Variants in CENPP observed in about 807,000 individuals in gnomAD.
CENPP encodes centromere protein P.
A neutral mutation model predicts 35.6 loss-of-function variants in CENPP; 24 were observed. The observed-to-expected ratio is 0.67, with a 90% CI of 0.49 to 0.95. The LOEUF is 0.95. Among genes scored for constraint, CENPP ranks in the 40% least tolerant of loss-of-function variants. The probability of loss-of-function intolerance (pLI) is 0.00; values close to 1 mark genes in which losing one functional copy is unlikely to be tolerated. For synonymous variants in CENPP, 120 were observed against 125.5 expected, an observed-to-expected ratio of 0.96 and a Z score of 0.29; for missense variants, 332 against 345.3, an observed-to-expected ratio of 0.96 and a Z score of 0.31.
intron 5 of CENPP, among the ~76,000 whole-genome samples, chr9:92,554,070 A>C (rs1024886415): frequency 2.6e-5 from 4 of 152,150 alleles, no homozygotes; most frequent in African/African-American, 9.7e-5. Flanking sequence ...TTATTACATT[A>C]AGGTATTTCC....
At chr9:92,527,180 T>A (rs1848466750) in intron 5 of CENPP, among the ~76,000 whole-genome samples, 1 of 152,122 alleles carries the variant, frequency 6.6e-6, no homozygotes, top group South Asian at 2.1e-4. Flanking sequence ...AGCTGATTTT[T>A]ATATTTTTTT....
chr9:92,396,222 A>C (rs1471401838), intron 5 of CENPP, among the ~76,000 whole-genome samples: 5 of 152,200 alleles, frequency 3.3e-5, no homozygotes, highest in Non-Finnish European at 7.4e-5. Flanking sequence ...GACCCACTTT[A>C]ACATTTTTAT....
chr9:92,615,919 T>C lies in CENPP; in HGVS notation c.*2770T>C. 1 of 1,614,198 alleles carries C rather than the reference T, an allele frequency of 6.2e-7. No homozygotes were observed. The highest frequency in any genetic ancestry group is 8.5e-7 in the Non-Finnish European group (1 of 1,180,044). On this transcript the variant is annotated 3_prime_UTR_variant, in exon 8 of 8. Coordinates refer to ENST00000375587, the MANE Select transcript of CENPP (RefSeq NM_001012267.3). ...CGTTGTCTTTGGCACGTACAGTCTT[T>C]GAATAATAGTTGACGATCTTGCCGT...
rs571254871 is a variant in CENPP, at chr9:92,599,707, G to A, written c.565-11607G>A. Among the ~76,000 whole-genome samples the A allele has an allele frequency of 4.7e-4, 71 of 152,288 alleles. 1 individual carries two copies. The highest frequency in any genetic ancestry group is 1.6e-3 in the African/African-American group (67 of 41,556). ...GCTGGGATTACAGGCGTGAGCCACT[G>A]CGCCTGGCCCAGTGGTTGTTTTTTT... On this transcript the variant is annotated intron_variant, in intron 5 of 7. Coordinates refer to ENST00000375587, the MANE Select transcript of CENPP (RefSeq NM_001012267.3).
chr9:92,611,866 G>A (rs571744221), intron 6 of CENPP, among the ~76,000 whole-genome samples: 1 of 152,352 alleles, frequency 6.6e-6, no homozygotes, highest in African/African-American at 2.4e-5. Flanking sequence ...GTGTGGACAT[G>A]TATCCATCTG....
chr9:92,366,671 C>T (rs1841896143), intron 4 of CENPP, among the ~76,000 whole-genome samples: 1 of 152,026 alleles, frequency 6.6e-6, no homozygotes, highest in African/African-American at 2.4e-5. Flanking sequence ...AAAGTTATAC[C>T]TGGAAGGGAT....
At chr9:92,392,872 G>A (rs1842744054) in intron 5 of CENPP, among the ~76,000 whole-genome samples, 1 of 152,188 alleles carries the variant, frequency 6.6e-6, no homozygotes, top group Non-Finnish European at 1.5e-5. Context: ...ATCATAGACA[G>A]TGAAGTCACC....
intron 5 of CENPP, among the ~76,000 whole-genome samples, chr9:92,551,944 T>TG (rs1331619003): frequency 1.5e-5 from 2 of 130,000 alleles, no homozygotes; most frequent in Non-Finnish European, 3.2e-5. Flanking sequence ...TATATATATA[T>TG]ATATATATGA....
rs183831153 is a variant in CENPP, at chr9:92,366,106, G to T, written c.468-13657G>T. On this transcript the variant is annotated intron_variant, in intron 4 of 7. Transcript: ENST00000375587. The stretch of plus-strand genomic sequence containing the variant: ...GAGGCAGGAGAATGGTGTGAACCTG[G>T]GAGGCGGAGCTGGCAGTGAGCCAAG... Among the ~76,000 whole-genome samples the T allele has an allele frequency of 2.1e-3, 317 of 151,412 alleles. 1 individual carries two copies. The highest frequency in any genetic ancestry group is 7.1e-3 in the African/African-American group (294 of 41,232).
chr9:92,457,689 G>A (rs1434034557), intron 5 of CENPP, among the ~76,000 whole-genome samples: 1 of 152,166 alleles, frequency 6.6e-6, no homozygotes, highest in Non-Finnish European at 1.5e-5. Flanking sequence ...GTACACAAAA[G>A]TGTTGGGGAA....
intron 5 of CENPP, among the ~76,000 whole-genome samples, chr9:92,530,908 A>G (rs1848710437): frequency 6.6e-6 from 1 of 152,092 alleles, no homozygotes; most frequent in South Asian, 2.1e-4. Flanking sequence ...CCCAATGTTT[A>G]GCTCTTACTT....
chr9:92,341,126 T>G (rs1841103862), intron 3 of CENPP, among the ~76,000 whole-genome samples: 1 of 152,134 alleles, frequency 6.6e-6, no homozygotes, highest in African/African-American at 2.4e-5. Flanking sequence ...CAGTCTCCCA[T>G]AGCGCTCCCA....
intron 5 of CENPP, among the ~76,000 whole-genome samples, chr9:92,533,328 A>AAAAAAAATATATATATAT (rs1554683138): frequency 1.8e-4 from 7 of 38,322 alleles, no homozygotes; most frequent in Non-Finnish European, 2.6e-4. Flanking sequence ...AAAAAAAAAA[A>AAAAAAAATATATATATAT]ATATATATAT....
At chr9:92,463,878 C>T (rs897547426) in intron 5 of CENPP, among the ~76,000 whole-genome samples, 3 of 152,134 alleles carry the variant, frequency 2.0e-5, no homozygotes, top group East Asian at 1.9e-4. Context: ...TATTTTTCCT[C>T]TTTTACTTTA....
At chr9:92,493,597 A>G (rs888259284) in intron 5 of CENPP, 1 of 152,654 alleles carries the variant, frequency 6.6e-6, no homozygotes, top group Non-Finnish European at 1.5e-5. Context: ...TATGTGTGTT[A>G]GTAATTATAG....
At position 92,615,990 on chromosome 9, in the gene CENPP, G is replaced by C. The variant is rs35012530; in HGVS notation, c.*2841G>C. On this transcript the variant is annotated 3_prime_UTR_variant, in exon 8 of 8. Transcript: ENST00000375587. ...ATGCTCTCGTAGGGCTTGAGGTCAA[G>C]GTCCAGCACAGACACGGAAAAGGCA... 28 of 1,614,022 alleles carry C rather than the reference G, an allele frequency of 1.7e-5. No individual in the cohort carries two copies. The highest frequency in any genetic ancestry group is 2.3e-5 in the Non-Finnish European group (27 of 1,180,030).
chr9:92,366,180 A>G (rs1841884893), intron 4 of CENPP, among the ~76,000 whole-genome samples: 1 of 150,512 alleles, frequency 6.6e-6, no homozygotes, highest in South Asian at 2.1e-4. Context: ...TCCGTCTCAA[A>G]AAAAAAAAAA....
chr9:92,600,384 T>C (rs1450796342), intron 5 of CENPP: 4 of 1,597,014 alleles, frequency 2.5e-6, no homozygotes, highest in African/African-American at 1.3e-5. Flanking sequence ...ATATTTCCAG[T>C]AGAGTGGGTC....
At chr9:92,415,842 TA>T (rs539120131) in intron 5 of CENPP, among the ~76,000 whole-genome samples, 4,663 of 146,178 alleles carry the variant, frequency 0.032, 110 homozygotes, top group South Asian at 0.082. Flanking sequence ...TACATATATA[TA>T]AAAAAATATA....
Sources: allele counts gnomAD v4.1 joint callset (sites outside exome capture counted in the v4.1 genomes callset), GRCh38; gene constraint gnomAD v4.1.1; transcripts MANE v1.5; gene names NCBI Gene and HGNC (gene_info 2026-07-23, HGNC 2026-07-21).